Variants in PLCXD3 observed in about 807,000 individuals in gnomAD.
The protein encoded by PLCXD3 is phosphatidylinositol specific phospholipase C X domain containing 3.
Under a neutral mutation model 25.5 loss-of-function variants are expected in PLCXD3, and 19 were observed. That is an observed-to-expected ratio of 0.75 (90% CI 0.52 to 1.09). The LOEUF is 1.09. Ranked by LOEUF, PLCXD3 falls within the 50% of genes least tolerant of loss-of-function variation. The pLI is 0.00. For missense variants in PLCXD3, 411 were observed against 388.1 expected, an observed-to-expected ratio of 1.06 and a Z score of -0.50; for synonymous variants, 174 against 137.6, an observed-to-expected ratio of 1.26 and a Z score of -1.85.
intron 1 of PLCXD3, among the ~76,000 whole-genome samples, chr5:41,486,460 A>G (rs1208125246): frequency 6.6e-6 from 1 of 152,128 alleles, no homozygotes; most frequent in Non-Finnish European, 1.5e-5. Context: ...GTCCAGCTGC[A>G]TCAGAGAAGT....
chr5:41,397,455 G>A (rs183869380), intron 1 of PLCXD3, among the ~76,000 whole-genome samples: 2 of 152,200 alleles, frequency 1.3e-5, no homozygotes, highest in East Asian at 3.9e-4. Flanking sequence ...AGATTTCAGA[G>A]GATGTATGAA....
At chr5:41,438,658 T>G (rs2124941) in intron 1 of PLCXD3, among the ~76,000 whole-genome samples, 95,893 of 152,020 alleles carry the variant, frequency 0.63, 32,394 homozygotes, top group Admixed American at 0.74. Flanking sequence ...CCCTACAATA[T>G]GTCTGTGTGC....
At chr5:41,488,081 C>A (rs1334275109) in intron 1 of PLCXD3, among the ~76,000 whole-genome samples, 1 of 134,200 alleles carries the variant, frequency 7.5e-6, no homozygotes, top group South Asian at 2.8e-4. Context: ...CCCCTCCCCC[C>A]ACGCCACAAC....
chr5:41,456,618 T>C, intron 1 of PLCXD3: 1 of 713,928 alleles, frequency 1.4e-6, no homozygotes, highest in Non-Finnish European at 1.7e-6. Context: ...TTGAAATCTG[T>C]TCCCTAATGT....
At chr5:41,491,024 G>T (rs1429679994) in intron 1 of PLCXD3, among the ~76,000 whole-genome samples, 1 of 152,108 alleles carries the variant, frequency 6.6e-6, no homozygotes. Flanking sequence ...TAATTGTGAT[G>T]TTAGGTTGTC....
chr5:41,508,498 G>A (rs555527079), intron 1 of PLCXD3, among the ~76,000 whole-genome samples: 1 of 152,338 alleles, frequency 6.6e-6, no homozygotes, highest in East Asian at 1.9e-4. Context: ...TTTTTCATCT[G>A]TGACATGGAG....
intron 1 of PLCXD3, among the ~76,000 whole-genome samples, chr5:41,393,528 T>C (rs1745901610): frequency 6.6e-6 from 1 of 152,148 alleles, no homozygotes; most frequent in Admixed American, 6.6e-5. Context: ...AGGTGAAATT[T>C]AATTCACGCC....
At chr5:41,444,161 C>T (rs919915691) in intron 1 of PLCXD3, among the ~76,000 whole-genome samples, 1 of 151,952 alleles carries the variant, frequency 6.6e-6, no homozygotes, top group Admixed American at 6.6e-5. Context: ...AATAGTCATT[C>T]TATTGTTTGT....
chr5:41,506,000 A>G (rs929474760), intron 1 of PLCXD3, among the ~76,000 whole-genome samples: 5 of 152,254 alleles, frequency 3.3e-5, no homozygotes, highest in African/African-American at 7.2e-5. Flanking sequence ...GAGATACACT[A>G]AAGCAGTTTT....
chr5:41,490,789 G>A (rs943668655), intron 1 of PLCXD3, among the ~76,000 whole-genome samples: 1 of 152,022 alleles, frequency 6.6e-6, no homozygotes, highest in South Asian at 2.1e-4. Flanking sequence ...TATCCCCTTT[G>A]TCATTTTTTA....
intron 1 of PLCXD3, among the ~76,000 whole-genome samples, chr5:41,410,478 G>A (rs923903811): frequency 2.7e-5 from 4 of 149,848 alleles, no homozygotes; most frequent in African/African-American, 7.3e-5. Flanking sequence ...TCCCTGGACC[G>A]TGAATTTCCT....
intron 2 of PLCXD3, among the ~76,000 whole-genome samples, chr5:41,366,181 A>C (rs995318043): frequency 2.0e-5 from 3 of 151,940 alleles, no homozygotes; most frequent in Non-Finnish European, 4.4e-5. Context: ...CTGAGTGAGA[A>C]CATGCGCCCC....
Position 41,510,431 on chromosome 5 carries a change from G to A in PLCXD3, c.96C>T (p.Ala32=), listed in dbSNP as rs775171563. Residue 32 remains alanine (A), a synonymous_variant, in exon 1 of 3, where the codon GCC becomes GCT. Coordinates refer to ENST00000377801, the MANE Select transcript of PLCXD3 (RefSeq NM_001005473.3). ...CAGCCCCTGCGCGCCTACCTGGAAT[G>A]GCTAAATTGGTGAGGGGGATGCTGT... The part of the protein sequence containing the change: ...SMHSIPLTNL[A]IPGSHDSFSF... 1.2e-6 allele frequency: 2 copies of A among 1,608,704 alleles called. No homozygotes were observed. Among genetic ancestry groups the A allele is most frequent in the Non-Finnish European group, 1.7e-6 (2 of 1,177,484 alleles).
intron 1 of PLCXD3, among the ~76,000 whole-genome samples, chr5:41,406,752 C>T (rs971582465): frequency 2.6e-5 from 4 of 152,086 alleles, no homozygotes; most frequent in Admixed American, 6.6e-5. Context: ...ATCTCAGCTG[C>T]GATCATTCAA....
intron 1 of PLCXD3, among the ~76,000 whole-genome samples, chr5:41,446,593 A>C (rs1233031211): frequency 6.6e-6 from 1 of 151,398 alleles, no homozygotes; most frequent in Admixed American, 6.6e-5. Context: ...AAACAACTCT[A>C]AGAAATAAAT....
chr5:41,413,184 A>G (rs1009894757), intron 1 of PLCXD3, among the ~76,000 whole-genome samples: 7 of 152,174 alleles, frequency 4.6e-5, no homozygotes, highest in African/African-American at 1.7e-4. Context: ...CAAGTTACTT[A>G]TTTTTCTACA....
At chr5:41,406,401 A>G (rs1580355935) in intron 1 of PLCXD3, among the ~76,000 whole-genome samples, 1 of 152,248 alleles carries the variant, frequency 6.6e-6, no homozygotes, top group South Asian at 2.1e-4. Flanking sequence ...CATGGTTACT[A>G]TAAGCTTACA....
chr5:41,329,329 C>G (rs958132018), intron 2 of PLCXD3, among the ~76,000 whole-genome samples: 2 of 152,150 alleles, frequency 1.3e-5, no homozygotes, highest in Non-Finnish European at 2.9e-5. Flanking sequence ...TCTGTCTCCC[C>G]AACTAGACTG....
chr5:41,364,944 C>T (rs920035176), intron 2 of PLCXD3, among the ~76,000 whole-genome samples: 5 of 152,162 alleles, frequency 3.3e-5, no homozygotes, highest in South Asian at 2.1e-4. Flanking sequence ...AAATAAAATA[C>T]GTAACATGCA....
Sources: allele counts gnomAD v4.1 joint callset (sites outside exome capture counted in the v4.1 genomes callset), GRCh38; gene constraint gnomAD v4.1.1; transcripts MANE v1.5; gene names NCBI Gene and HGNC (gene_info 2026-07-23, HGNC 2026-07-21).